RGS7: variants seen among roughly 807,000 people sequenced by gnomAD.
RGS7 encodes the protein regulator of G-protein signaling 7.
In RGS7, 27 loss-of-function variants were observed where a neutral mutation model predicts 81.1. The ratio of observed to expected loss-of-function variants is 0.33; its 90% CI spans 0.25 to 0.46. The LOEUF (loss-of-function observed/expected upper bound fraction) is 0.46, where lower values mean the gene tolerates loss of function less well. Among genes scored for constraint, RGS7 ranks in the 20% least tolerant of loss-of-function variants. The pLI is 1.00. For missense variants in RGS7, 396 were observed against 607.4 expected, an observed-to-expected ratio of 0.65 and a Z score of 3.66; for synonymous variants, 208 against 207.7, an observed-to-expected ratio of 1.00 and a Z score of -0.01.
At chr1:241,039,718 G>A (rs909758690) in intron 3 of RGS7, among the ~76,000 whole-genome samples, 2 of 152,086 alleles carry the variant, frequency 1.3e-5, no homozygotes, top group Non-Finnish European at 2.9e-5. Flanking sequence ...CCCTGCCCAC[G>A]ATTCTCCATG....
intron 2 of RGS7, among the ~76,000 whole-genome samples, chr1:241,252,043 CTTTT>C (rs918434335): frequency 9.3e-5 from 14 of 150,042 alleles, no homozygotes; most frequent in African/African-American, 2.7e-4. Context: ...TTCTTTCTTT[CTTTT>C]TCTTTTTTTT....
At chr1:240,780,373 G>A (rs566359155) in intron 18 of RGS7, among the ~76,000 whole-genome samples, 16 of 149,940 alleles carry the variant, frequency 1.1e-4, no homozygotes, top group African/African-American at 3.4e-4. Context: ...TCTGGGAGGC[G>A]GAGGTTGCAG....
intron 3 of RGS7, among the ~76,000 whole-genome samples, chr1:241,079,941 TAGCCA>T (rs2063041990): frequency 6.6e-6 from 1 of 152,126 alleles, no homozygotes; most frequent in South Asian, 2.1e-4. Flanking sequence ...CTTTAAAGAA[TAGCCA>T]ATATTTGTGA....
At chr1:240,836,601 C>T (rs1391627533) in intron 9 of RGS7, among the ~76,000 whole-genome samples, 1 of 152,124 alleles carries the variant, frequency 6.6e-6, no homozygotes, top group Non-Finnish European at 1.5e-5. Flanking sequence ...CAAAATGATC[C>T]CTGGGTTGTA....
intron 6 of RGS7, among the ~76,000 whole-genome samples, chr1:240,889,642 T>C (rs964624493): frequency 6.6e-6 from 1 of 152,156 alleles, no homozygotes; most frequent in Non-Finnish European, 1.5e-5. Flanking sequence ...ATAATAATCG[T>C]GGTAATGATA....
At chr1:241,208,585 T>G (rs1226492217) in intron 2 of RGS7, among the ~76,000 whole-genome samples, 1 of 152,046 alleles carries the variant, frequency 6.6e-6, no homozygotes, top group Non-Finnish European at 1.5e-5. Context: ...TGTAGTTACC[T>G]CCGTCATGAC....
At chr1:240,943,563 C>T (rs1212351920) in intron 4 of RGS7, among the ~76,000 whole-genome samples, 2 of 152,260 alleles carry the variant, frequency 1.3e-5, no homozygotes, top group Middle Eastern at 3.4e-3. Flanking sequence ...CTGGGTTTCC[C>T]AGTCATGTTA....
intron 4 of RGS7, among the ~76,000 whole-genome samples, chr1:240,961,323 A>G (rs1047750154): frequency 4.1e-4 from 4 of 9,780 alleles, no homozygotes; most frequent in African/African-American, 6.3e-4. Context: ...CTCCTCTGCC[A>G]TCTCCTCCTC....
intron 4 of RGS7, among the ~76,000 whole-genome samples, chr1:240,969,930 C>T (rs932491991): frequency 3.3e-5 from 5 of 152,202 alleles, no homozygotes; most frequent in Admixed American, 6.5e-5. Flanking sequence ...CTCTCCTATT[C>T]GCTTCATGAT....
At chr1:241,010,101 T>A (rs2058883705) in intron 3 of RGS7, among the ~76,000 whole-genome samples, 1 of 152,058 alleles carries the variant, frequency 6.6e-6, no homozygotes, top group Non-Finnish European at 1.5e-5. Flanking sequence ...AGTTGACGGG[T>A]GCAGAAAACC....
In RGS7 at chr1:241,238,957, C is replaced by CTCT. The variant is rs1558224374; in HGVS notation, c.78+116741_78+116742insAGA. ...CCAATGAGTCTCCAAATAGCTATTG[C>CTCT]CTCTCTCTCTTTTTTTTTTTTTTTT... On this transcript the variant is annotated intron_variant, in intron 2 of 18. Coordinates refer to ENST00000440928, the MANE Select transcript of RGS7 (RefSeq NM_001364886.1). Among the ~76,000 whole-genome samples the CTCT allele has an allele frequency of 6.7e-4, 84 of 125,436 alleles. 1 individual carries two copies. The highest frequency in any genetic ancestry group is 4.9e-3 in the Middle Eastern group (1 of 206). 82.3% of individuals were successfully genotyped at this position (125,436 alleles called of 152,430 possible).
intron 4 of RGS7, among the ~76,000 whole-genome samples, chr1:240,942,027 T>A (rs976970431): frequency 1.3e-5 from 2 of 152,108 alleles, no homozygotes; most frequent in Admixed American, 1.3e-4. Flanking sequence ...ATTCAAGCCA[T>A]GAGCAAGCTG....
intron 2 of RGS7, among the ~76,000 whole-genome samples, chr1:241,334,086 C>T (rs2082113269): frequency 6.6e-6 from 1 of 151,282 alleles, no homozygotes; most frequent in African/African-American, 2.4e-5. Flanking sequence ...TATATGTATA[C>T]TCTTGAAAGT....
intron 2 of RGS7, among the ~76,000 whole-genome samples, chr1:241,219,660 A>G (rs2074780386): frequency 6.6e-6 from 1 of 152,184 alleles, no homozygotes; most frequent in South Asian, 2.1e-4. Context: ...TTGCCTAGTG[A>G]CAAAGTTGAA....
chr1:240,992,173 A>G (rs1337984440), intron 3 of RGS7, among the ~76,000 whole-genome samples: 1 of 152,228 alleles, frequency 6.6e-6, no homozygotes, highest in Non-Finnish European at 1.5e-5. Context: ...CCAGTTCATT[A>G]AAGATTGACA....
rs143053558 is a variant in RGS7, at chr1:241,031,940, T to C, written c.176-48811A>G. On this transcript the variant is annotated intron_variant, in intron 3 of 18. Transcript: ENST00000440928. ...TTCTTCAGGCTGTCTGTTCACTCTG[T>C]TGATTATCTCTTTTTCTATGCAGAA... is the stretch of plus-strand genomic sequence containing the variant. Among the ~76,000 whole-genome samples, 902 of 152,330 alleles carry C rather than the reference T, an allele frequency of 5.9e-3. 9 individuals carry two copies. Among genetic ancestry groups the C allele is most frequent in the African/African-American group, 0.017 (696 of 41,596 alleles).
chr1:240,829,544 G>C (rs1443996390), intron 9 of RGS7, among the ~76,000 whole-genome samples: 2 of 152,126 alleles, frequency 1.3e-5, no homozygotes, highest in Non-Finnish European at 2.9e-5. Context: ...CTTTCCATTC[G>C]ATTTCTATTT....
At chr1:241,104,153 A>C (rs1298592634) in intron 2 of RGS7, among the ~76,000 whole-genome samples, 1 of 152,236 alleles carries the variant, frequency 6.6e-6, no homozygotes, top group Non-Finnish European at 1.5e-5. Flanking sequence ...AATGCTAATT[A>C]AATGCTTACT....
Position 240,830,106 on chromosome 1 carries a change from T to G in RGS7, c.610-2934A>C, listed in dbSNP as rs903503616. On this transcript the variant is annotated intron_variant, in intron 9 of 18. Transcript: ENST00000440928. ...CCATTCCCATAGAAGAAGCCCCACA[T>G]GCAATCCGAGCCAACATGAATTTTA... Among the ~76,000 whole-genome samples the G allele has an allele frequency of 3.3e-5, 5 of 152,148 alleles. No individual in the cohort carries two copies. In the South Asian group the frequency reaches 8.3e-4, roughly 25 times the overall value.
Sources: gnomAD v4.1 joint callset for allele counts (sites outside exome capture counted in the v4.1 genomes callset) on GRCh38, gnomAD v4.1.1 for gene constraint, MANE v1.5 for transcripts, NCBI Gene and HGNC (gene_info 2026-07-23, HGNC 2026-07-21) for gene names.